CRTC1: variants seen among roughly 807,000 people sequenced by gnomAD.
CRTC1 encodes CREB-regulated transcription coactivator 1.
Under a neutral mutation model 66.1 loss-of-function variants are expected in CRTC1, and 18 were observed. The observed-to-expected ratio is 0.27, with a 90% CI of 0.19 to 0.40. The LOEUF (loss-of-function observed/expected upper bound fraction) is 0.40, where lower values mean the gene tolerates loss of function less well. CRTC1 is among the 10% of genes least tolerant of loss of function. The probability of loss-of-function intolerance (pLI) is 1.00; values close to 1 mark genes in which losing one functional copy is unlikely to be tolerated. For synonymous variants in CRTC1, 416 were observed against 398.8 expected (o/e 1.04, Z -0.51); for missense variants, 669 against 887.9 (o/e 0.75, Z 3.13).
Position 18,777,420 on chromosome 19 carries a change from C to T in CRTC1, c.*38C>T, listed in dbSNP as rs766023716. ...GCACCCTGCCGCTCAGCCGTCCCGACGGCGCCTCCCCAGCCCGGGGACGGC... is the reference window on the plus strand; with the variant it reads ...GCACCCTGCCGCTCAGCCGTCCCGATGGCGCCTCCCCAGCCCGGGGACGGC... On this transcript the variant is annotated 3_prime_UTR_variant, in exon 14 of 14. Transcript: ENST00000321949. This position sits in a 1 kb window ranked among gnomAD's most constrained non-coding sequence, Gnocchi z 5.5. 28 of 1,570,578 alleles carry T rather than the reference C, an allele frequency of 1.8e-5. No homozygotes were observed. The highest frequency in any genetic ancestry group is 2.2e-5 in the South Asian group (2 of 90,458).
chr19:18,745,984 G>A (rs754251517), intron 3 of CRTC1, 24 bp downstream of exon 3: 3 of 1,593,652 alleles, frequency 1.9e-6, no homozygotes, highest in Non-Finnish European at 1.7e-6. Context: ...CAGAGGATGA[G>A]GGTGGGGGCC....
At chr19:18,729,136 T>C (rs1375825507) in intron 1 of CRTC1, among the ~76,000 whole-genome samples, 1 of 141,378 alleles carries the variant, frequency 7.1e-6, no homozygotes, top group Non-Finnish European at 1.5e-5. Context: ...TAGAAGTTGG[T>C]TCAGGCTGGC....
chr19:18,747,938 G>A (rs1452978615), intron 4 of CRTC1, among the ~76,000 whole-genome samples: 4 of 152,012 alleles, frequency 2.6e-5, no homozygotes, highest in Non-Finnish European at 1.5e-5. Flanking sequence ...TTAGCCAGAT[G>A]TAGTAGTGCA....
chr19:18,702,640 T>C (rs764563656), intron 1 of CRTC1, among the ~76,000 whole-genome samples: 2 of 151,738 alleles, frequency 1.3e-5, no homozygotes, highest in Non-Finnish European at 2.9e-5. Context: ...TTCAAGCGAT[T>C]CTCCTGCCCT....
chr19:18,730,951 TTCCC>T (rs1229193931), intron 1 of CRTC1, among the ~76,000 whole-genome samples: 1 of 144,408 alleles, frequency 6.9e-6, no homozygotes, highest in Non-Finnish European at 1.6e-5. Flanking sequence ...CTGAGTATCC[TTCCC>T]TCCCTCCCTC....
At chr19:18,758,764 G>T (rs2145800444) in intron 6 of CRTC1, among the ~76,000 whole-genome samples, 1 of 152,320 alleles carries the variant, frequency 6.6e-6, no homozygotes, top group East Asian at 1.9e-4. Flanking sequence ...CCCTGACTCA[G>T]TTCTTCCCTC....
chr19:18,777,118 G>C lies in CRTC1; in HGVS notation c.1694-53G>C. ...CATGCCTGGTCCGACACATGGATGCGAGCGATGGAGCCAGGGCTAAGCAGT... is the reference window on the plus strand; with the variant it reads ...CATGCCTGGTCCGACACATGGATGCCAGCGATGGAGCCAGGGCTAAGCAGT... On this transcript the variant is annotated intron_variant, in intron 13 of 13. Coordinates refer to ENST00000321949, the MANE Select transcript of CRTC1 (RefSeq NM_015321.3). The surrounding 1 kb of genome is among the most constrained non-coding windows in gnomAD (Gnocchi z 5.5). 1 of 1,020,688 alleles carries C rather than the reference G, an allele frequency of 9.8e-7. No individual in the cohort carries two copies. Among genetic ancestry groups the C allele is most frequent in the Admixed American group, 1.8e-5 (1 of 57,004 alleles). 63.2% of individuals were successfully genotyped at this position (1,020,688 alleles called of 1,614,324 possible). A position where few individuals can be genotyped will look rare whatever the true frequency, so the allele number is the denominator to read the frequency against.
chr19:18,699,899 G>C (rs1268072270), intron 1 of CRTC1, among the ~76,000 whole-genome samples: 1 of 152,154 alleles, frequency 6.6e-6, no homozygotes, highest in Non-Finnish European at 1.5e-5. Context: ...CCTAGGAGGG[G>C]CCAGGGCAGG....
chr19:18,777,506 G>GC lies in CRTC1; in HGVS notation c.*130dup, dbSNP rs974353643. 1.1e-5 allele frequency: 10 copies of GC among 931,100 alleles called. No homozygotes were observed. Among genetic ancestry groups the GC allele is most frequent in the Admixed American group, 5.9e-5 (3 of 50,436 alleles). The allele number at this position is 931,100 out of a possible 1,614,324, so 57.7% of individuals were successfully genotyped here. A position where few individuals can be genotyped will look rare whatever the true frequency, so the allele number is the denominator to read the frequency against. ...TTCTGAGCTTGCAATGCCGCCAAGC[G>GC]CCCCCCGCCAGCCCGCCCCCGGTTG... On this transcript the variant is annotated 3_prime_UTR_variant, in exon 14 of 14. Coordinates refer to ENST00000321949, the MANE Select transcript of CRTC1 (RefSeq NM_015321.3). This position sits in a 1 kb window ranked among gnomAD's most constrained non-coding sequence, Gnocchi z 5.5.
chr19:18,698,797 A>C (rs1008698670), intron 1 of CRTC1, among the ~76,000 whole-genome samples: 19 of 149,910 alleles, frequency 1.3e-4, no homozygotes, highest in Non-Finnish European at 2.5e-4. Context: ...GCAGGCGTAC[A>C]GTGTTCAGCA....
Position 18,777,248 on chromosome 19 carries a change from T to C in CRTC1, c.1771T>C (p.Ser591Pro), listed in dbSNP as rs1437976989. The change falls in exon 14 of 14, where the codon TCC becomes CCC. Residue 591 changes from serine to proline, a missense_variant. By Grantham distance (74) the Ser-to-Pro change is moderately conservative. Transcript: ENST00000321949. The surrounding 1 kb of genome is among the most constrained non-coding windows in gnomAD (Gnocchi z 5.5). Reference sequence around the variant, plus strand: ...CGGGGTCGGCGACGTCAGCTTCGACTCCGACAGCCAGTTTCCCCTGGACGA... The same window carrying C: ...CGGGGTCGGCGACGTCAGCTTCGACCCCGACAGCCAGTTTCCCCTGGACGA... The part of the protein sequence containing the change: ...LAGVGDVSFD[S>P]DSQFPLDELK... 7 of 1,607,462 alleles carry C rather than the reference T, an allele frequency of 4.4e-6. No individual in the cohort carries two copies. The highest frequency in any genetic ancestry group is 5.9e-6 in the Non-Finnish European group (7 of 1,179,144).
At chr19:18,690,822 G>A (rs1453345917) in intron 1 of CRTC1, among the ~76,000 whole-genome samples, 1 of 151,722 alleles carries the variant, frequency 6.6e-6, no homozygotes, top group Non-Finnish European at 1.5e-5. Context: ...TCAGGAGATC[G>A]AGACCATCCT....
intron 3 of CRTC1, among the ~76,000 whole-genome samples, chr19:18,746,553 C>T (rs984620834): frequency 3.3e-5 from 5 of 151,334 alleles, no homozygotes; most frequent in Non-Finnish European, 5.9e-5. Flanking sequence ...TCTGAGCGGC[C>T]TCAGGTTGCT....
Position 18,759,144 on chromosome 19 carries a change from G to A in CRTC1, c.625-407G>A, listed in dbSNP as rs1039586854. On this transcript the variant is annotated intron_variant, in intron 6 of 13. Transcript: ENST00000321949. ...CATGAGCTCAGGAGGTTGAGGCTGC[G>A]GCGAGCTGTGATCACACCACTGCAC... Among the ~76,000 whole-genome samples the A allele has an allele frequency of 1.8e-4, 28 of 152,148 alleles. 1 individual carries two copies. The highest frequency in any genetic ancestry group is 1.3e-3 in the Admixed American group (20 of 15,280).
intron 11 of CRTC1, among the ~76,000 whole-genome samples, chr19:18,774,140 G>A (rs940250711): frequency 3.3e-5 from 5 of 152,164 alleles, no homozygotes; most frequent in Non-Finnish European, 5.9e-5. Context: ...TGCAGCTGGG[G>A]TTCCCGAGGC....
intron 8 of CRTC1, among the ~76,000 whole-genome samples, chr19:18,763,203 C>T (rs1039049927): frequency 5.3e-5 from 8 of 152,098 alleles, no homozygotes; most frequent in African/African-American, 9.7e-5. Flanking sequence ...CAGTCCCAAG[C>T]GATTCTCCTA....
intron 1 of CRTC1, among the ~76,000 whole-genome samples, chr19:18,701,669 C>T (rs1430374367): frequency 6.6e-6 from 1 of 151,892 alleles, no homozygotes; most frequent in Non-Finnish European, 1.5e-5. Context: ...GCAATGGCGC[C>T]ATCTCAGCTC....
chr19:18,743,282 C>T (rs1259720040), intron 2 of CRTC1, among the ~76,000 whole-genome samples: 1 of 152,272 alleles, frequency 6.6e-6, no homozygotes, highest in Non-Finnish European at 1.5e-5. Context: ...AGCCGCTACA[C>T]CTGTTGGCCG....
rs150586539 is a variant in CRTC1, at chr19:18,726,995, C to A, written c.127-15915C>A. ...GGCACGGTGGCCTAGGCCTTTAATC[C>A]TAGCACTTTGGAAGGCCGAGGTGGG... On this transcript the variant is annotated intron_variant, in intron 1 of 13. Coordinates refer to ENST00000321949, the MANE Select transcript of CRTC1 (RefSeq NM_015321.3). Among the ~76,000 whole-genome samples, 698 of 150,860 alleles carry A rather than the reference C, an allele frequency of 4.6e-3. 5 individuals are homozygous for A. Among genetic ancestry groups the A allele is most frequent in the African/African-American group, 0.016 (657 of 41,090 alleles).
Sources: allele counts gnomAD v4.1 joint callset (sites outside exome capture counted in the v4.1 genomes callset), GRCh38; gene constraint gnomAD v4.1.1; non-coding constraint Gnocchi (gnomAD v3.1); transcripts MANE v1.5; gene names NCBI Gene and HGNC (gene_info 2026-07-23, HGNC 2026-07-21).